GATA4: variants seen among roughly 807,000 people sequenced by gnomAD.
The protein encoded by GATA4 is GATA binding protein 4.
In GATA4, 7 loss-of-function variants were observed where a neutral mutation model predicts 37.9. The ratio of observed to expected loss-of-function variants is 0.18; its 90% confidence interval spans 0.11 to 0.35. The LOEUF (loss-of-function observed/expected upper bound fraction) is 0.35, where lower values mean the gene tolerates loss of function less well. Ranked by LOEUF, GATA4 falls within the 10% of genes least tolerant of loss-of-function variation. GATA4 has a pLI of 1.00. For synonymous variants in GATA4, 372 were observed against 292.6 expected, an observed-to-expected ratio of 1.27 and a Z score of -2.77; for missense variants, 647 against 653.0, an observed-to-expected ratio of 0.99 and a Z score of 0.10.
chr8:11,730,798 C>G (rs1801167430), intron 2 of GATA4, among the ~76,000 whole-genome samples: 1 of 152,208 alleles, frequency 6.6e-6, no homozygotes, highest in Non-Finnish European at 1.5e-5. Context: ...GAGAAGAAAC[C>G]CAGGTCACAG....
rs1386958242 is a variant in GATA4, at chr8:11,756,935, C to T, written c.1001C>T (p.Ala334Val). The change falls in exon 6 of 7, where the codon GCT becomes GTT. Residue 334 changes from alanine to valine, a missense_variant and splice_region_variant. Ala to Val is a moderately conservative substitution (Grantham distance 64). Transcript: ENST00000532059. ...GTGTGCTGACTCTGCTTCATTCCAG[C>T]TCCTTCAGGCAGTGAGAGCCTTCCT... ...KNLNKSKTPA[A>V]PSGSESLPPA... 2 of 1,614,256 alleles carry T rather than the reference C, an allele frequency of 1.2e-6. No individual in the cohort carries two copies. The highest frequency in any genetic ancestry group is 1.3e-5 in the African/African-American group (1 of 75,076).
At chr8:11,750,719 G>A (rs116182726) in intron 4 of GATA4, among the ~76,000 whole-genome samples, 1 of 145,904 alleles carries the variant, frequency 6.9e-6, no homozygotes, top group East Asian at 2.0e-4. Context: ...GATTGCATGA[G>A]CTCAGGATTT....
intron 2 of GATA4, among the ~76,000 whole-genome samples, chr8:11,727,725 C>T (rs1294176314): frequency 6.6e-6 from 1 of 151,838 alleles, no homozygotes; most frequent in Non-Finnish European, 1.5e-5. Flanking sequence ...CTGTCTGTGG[C>T]CCCAGCTAGG....
At position 11,708,817 on chromosome 8, in the gene GATA4, G is replaced by A; in HGVS notation, c.505G>A (p.Val169Met). The A allele has an allele frequency of 1.3e-6, 2 of 1,484,104 alleles. No homozygotes were observed. Among genetic ancestry groups the A allele is most frequent in the Admixed American group, 2.2e-5 (1 of 44,606 alleles). 91.9% of individuals were successfully genotyped at this position (1,484,104 alleles called of 1,614,324 possible). ...CCCCTACCCGGCTTACATGGCCGAC[G>A]TGGGCGCGTCCTGGGCCGCAGCCGC... ...SSPYPAYMAD[V>M]GASWAAAAAA... The change falls in exon 2 of 7, where the codon GTG becomes ATG. Residue 169 changes from valine to methionine, a missense_variant. Val to Met is a conservative substitution (Grantham distance 21). This residue lies in a region of GATA4 where 379 missense variants were observed against 334.5 expected (regional missense o/e 1.13). Transcript: ENST00000532059. This position sits in a 1 kb window ranked among gnomAD's most constrained non-coding sequence, Gnocchi z 6.7.
In GATA4 at chr8:11,748,927, G is replaced by C. The variant is rs1470497907; in HGVS notation, c.628G>C (p.Asp210His). 6.2e-7 allele frequency: 1 copy of C among 1,614,120 alleles called. No homozygotes were observed. The highest frequency in any genetic ancestry group is 8.5e-7 in the Non-Finnish European group (1 of 1,180,050). The change falls in exon 3 of 7, where the codon GAC becomes CAC. Residue 210 changes from aspartate to histidine, a missense_variant. Asp to His is a moderately conservative substitution (Grantham distance 81, BLOSUM62 -1). Coordinates refer to ENST00000532059, the MANE Select transcript of GATA4 (RefSeq NM_001308093.3). Reference sequence around the variant, plus strand: ...TCCCCCCAACTCAGTAGATATGTTTGACGACTTCTCAGAAGGCAGAGAGTG... The same window carrying C: ...TCCCCCCAACTCAGTAGATATGTTTCACGACTTCTCAGAAGGCAGAGAGTG... ...ARHPNLVDMF[D>H]DFSEGRECVN...
chr8:11,724,264 G>C (rs750072158), intron 2 of GATA4, among the ~76,000 whole-genome samples: 1 of 151,970 alleles, frequency 6.6e-6, no homozygotes, highest in Non-Finnish European at 1.5e-5. Flanking sequence ...GAATAATGCC[G>C]CCATTTTTAC....
chr8:11,738,189 A>AG (rs1356637332), intron 2 of GATA4, among the ~76,000 whole-genome samples: 2 of 151,968 alleles, frequency 1.3e-5, no homozygotes, highest in Non-Finnish European at 2.9e-5. Context: ...TCAAAAAAAA[A>AG]AAAAAAAAAT....
chr8:11,723,889 A>G (rs1800791274), intron 2 of GATA4, among the ~76,000 whole-genome samples: 1 of 152,210 alleles, frequency 6.6e-6, no homozygotes, highest in African/African-American at 2.4e-5. Context: ...CATCCACAGT[A>G]TTGTACAACC....
At chr8:11,754,941 G>C in intron 4 of GATA4, 105 bp from the exon 5 acceptor site, 1 of 843,028 alleles carries the variant, frequency 1.2e-6, no homozygotes, top group South Asian at 1.4e-5. Context: ...GCTTTGTGGA[G>C]AGATTGCTTA....
At chr8:11,714,678 A>C (rs1427130612) in intron 2 of GATA4, among the ~76,000 whole-genome samples, 1 of 152,212 alleles carries the variant, frequency 6.6e-6, no homozygotes, top group African/African-American at 2.4e-5. Context: ...GTTGTGTCCC[A>C]TCAAAAGGTC....
intron 2 of GATA4, among the ~76,000 whole-genome samples, chr8:11,739,074 TGG>T (rs1801598194): frequency 6.6e-6 from 1 of 152,206 alleles, no homozygotes; most frequent in Non-Finnish European, 1.5e-5. Context: ...GGGACCGAGG[TGG>T]AAAAAGTACT....
chr8:11,754,221 C>G (rs959869328), intron 4 of GATA4, among the ~76,000 whole-genome samples: 1 of 152,154 alleles, frequency 6.6e-6, no homozygotes, highest in Non-Finnish European at 1.5e-5. Flanking sequence ...ACCGCTGCAC[C>G]CTCACACCTT....
chr8:11,688,363 A>G (rs1413987994), upstream of GATA4, among the ~76,000 whole-genome samples: 1 of 152,228 alleles, frequency 6.6e-6, no homozygotes, highest in Non-Finnish European at 1.5e-5. Context: ...GACATATTCA[A>G]TCATTAATTC....
intron 2 of GATA4, among the ~76,000 whole-genome samples, chr8:11,743,766 C>T (rs1801883162): frequency 6.6e-6 from 1 of 152,202 alleles, no homozygotes; most frequent in African/African-American, 2.4e-5. Flanking sequence ...GATGTTTCAA[C>T]CTCCTGGCCT....
chr8:11,692,774 G>C, intron 1 of GATA4: 5 of 982,668 alleles, frequency 5.1e-6, no homozygotes, highest in Non-Finnish European at 6.0e-6. Flanking sequence ...GGCGGGAAGC[G>C]AGGCTGCCGA....
intron 2 of GATA4, among the ~76,000 whole-genome samples, chr8:11,710,580 C>T (rs538414751): frequency 6.8e-6 from 1 of 146,346 alleles, no homozygotes; most frequent in Non-Finnish European, 1.5e-5. Flanking sequence ...GTCTCAGCTA[C>T]TGGGGAAGCT....
intron 2 of GATA4, among the ~76,000 whole-genome samples, chr8:11,725,627 C>T (rs533346315): frequency 2.6e-5 from 4 of 152,254 alleles, no homozygotes; most frequent in Admixed American, 2.0e-4. Context: ...GGCCAAGGTT[C>T]GTGAAACTCC....
chr8:11,685,776 A>G (rs550846725), intron 1 of GATA4, among the ~76,000 whole-genome samples: 107 of 152,006 alleles, frequency 7.0e-4, no homozygotes, highest in African/African-American at 2.5e-3. Context: ...CTCTTCCACG[A>G]CTCCCTTTTC....
Position 11,708,876 on chromosome 8 carries a change from C to G in GATA4, c.564C>G (p.Val188=). 1.3e-6 allele frequency: 2 copies of G among 1,528,082 alleles called. No homozygotes were observed. Among genetic ancestry groups the G allele is most frequent in the Non-Finnish European group, 1.7e-6 (2 of 1,143,930 alleles). 94.7% of individuals were successfully genotyped at this position (1,528,082 alleles called of 1,614,324 possible). ...AASAGPFDSP[V]LHSLPGRANP... ...CCGCCGGCCCCTTCGACAGCCCGGTCCTGCACAGCCTGCCCGGCCGGGCCA... is the reference window on the plus strand; with the variant it reads ...CCGCCGGCCCCTTCGACAGCCCGGTGCTGCACAGCCTGCCCGGCCGGGCCA... The change falls in exon 2 of 7, where the codon GTC becomes GTG. Residue 188 remains valine (V), a synonymous_variant. Coordinates refer to ENST00000532059, the MANE Select transcript of GATA4 (RefSeq NM_001308093.3). This position sits in a 1 kb window ranked among gnomAD's most constrained non-coding sequence, Gnocchi z 6.7.
Sources: allele counts gnomAD v4.1 joint callset (sites outside exome capture counted in the v4.1 genomes callset), GRCh38; gene constraint gnomAD v4.1.1; regional missense constraint gnomAD v4.1.1; non-coding constraint Gnocchi (gnomAD v3.1); transcripts MANE v1.5; gene names NCBI Gene and HGNC (gene_info 2026-07-23, HGNC 2026-07-21).